The following GGACT variants were observed in gnomAD, a reference collection of about 807,000 sequenced individuals.
GGACT encodes gamma-glutamylamine cyclotransferase.
For missense variants in GGACT, 241 were observed against 233.2 expected (o/e 1.03, Z -0.22); for synonymous variants, 118 against 115.3 (o/e 1.02, Z -0.15).
At chr13:100,572,625 G>A in intron 2 of GGACT, among the ~76,000 whole-genome samples, 1 of 152,146 alleles carries the variant, frequency 6.6e-6, no homozygotes, top group Non-Finnish European at 1.5e-5. Flanking sequence ...GCTATTCACA[G>A]GTGTGATCAT....
rs1473449348 is a variant in GGACT, at chr13:100,534,391, AT to A, written c.-10-1791del. On this transcript the variant is annotated intron_variant, in intron 2 of 2. Transcript: ENST00000683975. The surrounding 1 kb of genome is among the most constrained non-coding windows in gnomAD (Gnocchi z 4.9). ...CTGGGATAGGAAAGTTGAGATGTGA[AT>A]TAAGGAGAACCTGGGGTAGGACGGT... Among the ~76,000 whole-genome samples the A allele has an allele frequency of 1.3e-5, 2 of 152,026 alleles. No homozygotes were observed. The highest frequency in any genetic ancestry group is 2.9e-5 in the Non-Finnish European group (2 of 68,000).
At chr13:100,587,495 T>C (rs1875614669) in intron 1 of GGACT, among the ~76,000 whole-genome samples, 1 of 152,224 alleles carries the variant, frequency 6.6e-6, no homozygotes, top group Non-Finnish European at 1.5e-5. Flanking sequence ...GTCTGGCTTC[T>C]TCTGGGAATA....
chr13:100,587,991 A>T (rs1041588809), intron 1 of GGACT, among the ~76,000 whole-genome samples: 1 of 152,190 alleles, frequency 6.6e-6, no homozygotes, highest in Non-Finnish European at 1.5e-5. Context: ...GCGCCACTGC[A>T]CTCCAGCCTG....
In GGACT at chr13:100,531,249, A is replaced by AATT. The variant is rs1439306218; in HGVS notation, c.*878_*880dup. 41 of 127,014 alleles carry AATT rather than the reference A, an allele frequency of 3.2e-4. No homozygotes were observed. The highest frequency in any genetic ancestry group is 1.0e-3 in the African/African-American group (35 of 34,452). The allele number at this position is 127,014 out of a possible 1,614,324, so 7.9% of individuals were successfully genotyped here. A position where few individuals can be genotyped will look rare whatever the true frequency, so the allele number is the denominator to read the frequency against. ...TAATTGGTACTTCGTGCCTTGCTAA[A>AATT]ATTATTTTAAGTGCTGTTTGTATTT... On this transcript the variant is annotated 3_prime_UTR_variant, in exon 3 of 3. Coordinates refer to ENST00000683975, the MANE Select transcript of GGACT (RefSeq NM_001195087.2).
At chr13:100,566,663 T>A (rs779026940) in intron 2 of GGACT, among the ~76,000 whole-genome samples, 1 of 152,130 alleles carries the variant, frequency 6.6e-6, no homozygotes, top group Non-Finnish European at 1.5e-5. Context: ...TTAAGAAGTG[T>A]CTGCTCAGGG....
At chr13:100,550,355 C>CACACACCACTTTTAAAAG (rs1566532562) in intron 2 of GGACT, among the ~76,000 whole-genome samples, 1 of 122,478 alleles carries the variant, frequency 8.2e-6, no homozygotes, top group African/African-American at 3.5e-5. Flanking sequence ...CACACACACA[C>CACACACCACTTTTAAAAG]CACTGGCCCT....
chr13:100,580,978 T>C (rs6491569), intron 2 of GGACT, among the ~76,000 whole-genome samples: 150,569 of 152,342 alleles, frequency 0.99, 74,431 homozygotes, highest in Middle Eastern at 1. Context: ...CCACAGGCAA[T>C]GGGAGCCACG....
chr13:100,551,388 C>T (rs1012392609), intron 2 of GGACT, among the ~76,000 whole-genome samples: 15 of 152,190 alleles, frequency 9.9e-5, no homozygotes, highest in African/African-American at 3.6e-4. Flanking sequence ...AACCTTTTCC[C>T]CAGGGAGGGA....
In GGACT at chr13:100,551,010, C is replaced by T. The variant is rs931892454; in HGVS notation, c.-10-18409G>A. On this transcript the variant is annotated intron_variant, in intron 2 of 2. Coordinates refer to ENST00000683975, the MANE Select transcript of GGACT (RefSeq NM_001195087.2). ...TTAATTAAAAAACAACAAGGCCGGG[C>T]GCGGTGGCTCATGCCTGTAATTCCA... Among the ~76,000 whole-genome samples the T allele has an allele frequency of 7.2e-5, 11 of 152,258 alleles. No individual in the cohort carries two copies. The South Asian group carries it at 8.3e-4, about 11-fold the overall frequency.
At chr13:100,544,557 G>A (rs551889169) in intron 2 of GGACT, among the ~76,000 whole-genome samples, 8 of 152,298 alleles carry the variant, frequency 5.3e-5, no homozygotes, top group South Asian at 2.1e-4. Flanking sequence ...AAACGCTGGC[G>A]CCTTTGAAAT....
intron 2 of GGACT, among the ~76,000 whole-genome samples, chr13:100,568,166 A>T (rs748095028): frequency 1.3e-5 from 2 of 152,246 alleles, no homozygotes; most frequent in Non-Finnish European, 2.9e-5. Context: ...ATTTGGTTGC[A>T]ATCAGCAATT....
At chr13:100,554,026 A>G (rs1173480504) in intron 2 of GGACT, among the ~76,000 whole-genome samples, 1 of 152,198 alleles carries the variant, frequency 6.6e-6, no homozygotes. Flanking sequence ...CCAGAGCTAC[A>G]CAAAGGAAAC....
intron 1 of GGACT, among the ~76,000 whole-genome samples, chr13:100,587,367 A>G (rs1455050608): frequency 1.3e-5 from 2 of 152,226 alleles, no homozygotes; most frequent in Non-Finnish European, 2.9e-5. Flanking sequence ...AGTAAAATCA[A>G]CTAGCCCAAA....
chr13:100,542,948 G>A (rs2088568075), intron 2 of GGACT, among the ~76,000 whole-genome samples: 1 of 152,190 alleles, frequency 6.6e-6, no homozygotes, highest in Admixed American at 6.5e-5. Flanking sequence ...GAACTTGAAA[G>A]TGATTACGAG....
chr13:100,544,804 C>T (rs763320147), intron 2 of GGACT, among the ~76,000 whole-genome samples: 8 of 152,216 alleles, frequency 5.3e-5, no homozygotes, highest in Non-Finnish European at 1.0e-4. Context: ...TGACCAACAA[C>T]GCAGACATGA....
chr13:100,557,299 G>A (rs755348874), intron 2 of GGACT, among the ~76,000 whole-genome samples: 41 of 152,194 alleles, frequency 2.7e-4, no homozygotes, highest in Non-Finnish European at 1.3e-4. Flanking sequence ...TTGAGATAAC[G>A]TGATATGGAA....
At chr13:100,564,823 G>A (rs2088796613) in intron 2 of GGACT, among the ~76,000 whole-genome samples, 1 of 152,186 alleles carries the variant, frequency 6.6e-6, no homozygotes, top group Admixed American at 6.5e-5. Context: ...GCCCCGGGCA[G>A]GGGGCGGGGG....
At chr13:100,554,225 G>C (rs1260420788) in intron 2 of GGACT, among the ~76,000 whole-genome samples, 1 of 152,158 alleles carries the variant, frequency 6.6e-6, no homozygotes, top group South Asian at 2.1e-4. Context: ...TCCCCCAGGG[G>C]ATGAAAGCCA....
chr13:100,555,198 A>G (rs1453445987), intron 2 of GGACT, among the ~76,000 whole-genome samples: 1 of 152,220 alleles, frequency 6.6e-6, no homozygotes. Flanking sequence ...TGAAGCCAGT[A>G]GTACCTGATA....
Sources: gnomAD v4.1 joint callset for allele counts (sites outside exome capture counted in the v4.1 genomes callset) on GRCh38, gnomAD v4.1.1 for gene constraint, Gnocchi (gnomAD v3.1) non-coding constraint, MANE v1.5 for transcripts, NCBI Gene and HGNC (gene_info 2026-07-23, HGNC 2026-07-21) for gene names.